The following SNX6 variants were observed in gnomAD, a reference collection of about 807,000 sequenced individuals.
The protein encoded by SNX6 is sorting nexin-6.
SNX6 carries 34 observed loss-of-function variants against 63.0 expected under a neutral mutation model. The ratio of observed to expected loss-of-function variants is 0.54; its 90% CI spans 0.41 to 0.72. The LOEUF is 0.72. Ranked by LOEUF, SNX6 falls within the 30% of genes least tolerant of loss-of-function variation. The pLI is 0.00. For missense variants in SNX6, 398 were observed against 471.4 expected (o/e 0.84, Z 1.44); for synonymous variants, 170 against 164.2 (o/e 1.04, Z -0.27).
chr14:34,602,510 G>C (rs1882855031), intron 6 of SNX6, among the ~76,000 whole-genome samples: 1 of 149,316 alleles, frequency 6.7e-6, no homozygotes, highest in African/African-American at 2.5e-5. Context: ...AGAATCACTT[G>C]AACTTGGGAG....
intron 2 of SNX6, among the ~76,000 whole-genome samples, chr14:34,626,461 T>C (rs1475212357): frequency 6.6e-6 from 1 of 150,466 alleles, no homozygotes; most frequent in Non-Finnish European, 1.5e-5. Context: ...TAGACCATCC[T>C]GGCTAACAAG....
rs922723739 is a variant in SNX6, at chr14:34,618,812, A to G, written c.55-9070T>C. 3.8e-4 allele frequency among the ~76,000 whole-genome samples: 58 copies of G among 152,086 alleles called. 2 individuals carry two copies. Among genetic ancestry groups the G allele is most frequent in the Non-Finnish European group, 7.3e-5 (5 of 68,034 alleles). Reference sequence around the variant, plus strand: ...AAGGCCTTTCCTAGCCACCCTATCTAAAAGTGCAGCTCAAACCATCCTCCC... The same window carrying G: ...AAGGCCTTTCCTAGCCACCCTATCTGAAAGTGCAGCTCAAACCATCCTCCC... On this transcript the variant is annotated intron_variant, in intron 2 of 13. Coordinates refer to ENST00000362031, the MANE Select transcript of SNX6 (RefSeq NM_152233.4).
chr14:34,622,447 G>C (rs1446781381), intron 2 of SNX6, among the ~76,000 whole-genome samples: 1 of 151,674 alleles, frequency 6.6e-6, no homozygotes. Flanking sequence ...GCTGGGCGTG[G>C]TGGCGGGCAC....
chr14:34,567,599 C>G (rs899579684), intron 13 of SNX6, 87 bp downstream of exon 13: 2 of 1,015,020 alleles, frequency 2.0e-6, no homozygotes, highest in African/African-American at 1.6e-5. Context: ...CCTATGAGAA[C>G]TGACATTAAA....
chr14:34,572,165 C>G (rs1022346160), intron 11 of SNX6, among the ~76,000 whole-genome samples: 1 of 152,106 alleles, frequency 6.6e-6, no homozygotes, highest in Non-Finnish European at 1.5e-5. Flanking sequence ...TCATTTTAGC[C>G]ATTCTAATTA....
chr14:34,619,581 AC>A (rs1883551112), intron 2 of SNX6, among the ~76,000 whole-genome samples: 1 of 152,118 alleles, frequency 6.6e-6, no homozygotes, highest in South Asian at 2.1e-4. Flanking sequence ...TTTAAAGTGA[AC>A]AAAAAGCCCT....
At chr14:34,599,468 G>C (rs1383169197) in intron 6 of SNX6, among the ~76,000 whole-genome samples, 1 of 152,046 alleles carries the variant, frequency 6.6e-6, no homozygotes, top group East Asian at 1.9e-4. Context: ...CTAGCTGGGC[G>C]TCGTGGCATC....
At position 34,567,837 on chromosome 14, in the gene SNX6, G is replaced by C. The variant is rs769378117; in HGVS notation, c.1081+17C>G. On this transcript the variant is annotated intron_variant, in intron 12 of 13. Transcript: ENST00000362031. ...TCATAAAGCATATCTTGTGATTAAA[G>C]GTTAACGTAACAGTACCTTGTTTTG... 1.4e-5 allele frequency: 22 copies of C among 1,613,608 alleles called. No individual in the cohort carries two copies. Among genetic ancestry groups the C allele is most frequent in the Non-Finnish European group, 1.9e-5 (22 of 1,179,786 alleles).
At chr14:34,583,864 T>TA (rs1259283715) in intron 9 of SNX6, among the ~76,000 whole-genome samples, 156 of 151,598 alleles carry the variant, frequency 1.0e-3, no homozygotes, top group African/African-American at 3.6e-3. Flanking sequence ...TTTTTTTTTT[T>TA]AAGACGGAGT....
At chr14:34,623,684 T>C (rs1028221591) in intron 2 of SNX6, among the ~76,000 whole-genome samples, 1 of 152,130 alleles carries the variant, frequency 6.6e-6, no homozygotes, top group African/African-American at 2.4e-5. Context: ...ACTGTTCTGA[T>C]ATAAAGATGA....
At chr14:34,605,198 G>T (rs1882968248) in intron 5 of SNX6, among the ~76,000 whole-genome samples, 2 of 151,538 alleles carry the variant, frequency 1.3e-5, no homozygotes, top group Non-Finnish European at 1.5e-5. Context: ...AGAGAACTAG[G>T]TTGGTAGTGA....
chr14:34,622,329 C>T (rs1473117437), intron 2 of SNX6, among the ~76,000 whole-genome samples: 3 of 150,346 alleles, frequency 2.0e-5, no homozygotes, highest in Non-Finnish European at 4.4e-5. Flanking sequence ...GCATGTAATC[C>T]CAGCACTTTG....
chr14:34,569,015 G>T (rs1002158735), intron 11 of SNX6: 1 of 1,461,946 alleles, frequency 6.8e-7, no homozygotes, highest in Non-Finnish European at 9.6e-7. Context: ...TTGGCCAGCA[G>T]CTTGACGGTG....
In SNX6 at chr14:34,597,651, A is replaced by G. The variant is rs773060715; in HGVS notation, c.517-6T>C. 19 of 1,502,550 alleles carry G rather than the reference A, an allele frequency of 1.3e-5. No individual in the cohort carries two copies. The highest frequency in any genetic ancestry group is 1.7e-5 in the Non-Finnish European group (19 of 1,102,616). The allele number at this position is 1,502,550 out of a possible 1,614,324, so 93.1% of individuals were successfully genotyped here. Reference sequence around the variant, plus strand: ...TTTTTTCCTCGCACACTCAACTGAAAGAAAGGTAATTTAACATTTTTAAGG... The same window carrying G: ...TTTTTTCCTCGCACACTCAACTGAAGGAAAGGTAATTTAACATTTTTAAGG... On this transcript the variant is annotated splice_region_variant and splice_polypyrimidine_tract_variant and intron_variant, in intron 6 of 13. Transcript: ENST00000362031.
At chr14:34,577,829 TAA>T (rs1323351594) in intron 10 of SNX6, among the ~76,000 whole-genome samples, 3 of 152,132 alleles carry the variant, frequency 2.0e-5, no homozygotes, top group East Asian at 3.9e-4. Flanking sequence ...ATTCTTATAC[TAA>T]AAAAAGAGAT....
rs572362340 is a variant in SNX6, at chr14:34,572,874, G to A, written c.921+2882C>T. On this transcript the variant is annotated intron_variant, in intron 11 of 13. Transcript: ENST00000362031. ...TTTTTGTATTTTTTTAGTAGAGACG[G>A]GGTTTCACTGTGTTAGCCAGGATGG... Among the ~76,000 whole-genome samples, 4 of 152,018 alleles carry A rather than the reference G, an allele frequency of 2.6e-5. No individual in the cohort carries two copies. In the South Asian group the frequency reaches 6.2e-4, roughly 24 times the overall value.
chr14:34,618,320 C>A (rs1233229193), intron 2 of SNX6, among the ~76,000 whole-genome samples: 5 of 152,032 alleles, frequency 3.3e-5, no homozygotes, highest in Admixed American at 1.3e-4. Context: ...ATTTACCACT[C>A]CTCTGGCTCA....
At position 34,563,164 on chromosome 14, in the gene SNX6, C is replaced by T. The variant is rs777869392; in HGVS notation, c.1179G>A (p.Gln393=). ...ACACTGCCAGGCAGTTCTGCAGCAA[C>T]TGTAGATTACCCTAAAAAAGGAAGA... The part of the protein sequence containing the change: ...LELKHAKGNL[Q]LLQNCLAVLN... Residue 393 remains glutamine (Q), a synonymous_variant, in exon 14 of 14, where the codon CAG becomes CAA. Coordinates refer to ENST00000362031, the MANE Select transcript of SNX6 (RefSeq NM_152233.4). 5.0e-6 allele frequency: 8 copies of T among 1,613,690 alleles called. 1 individual carries two copies. The South Asian group carries it at 8.8e-5, about 18-fold the overall frequency.
At chr14:34,588,865 T>C (rs772053268) in intron 8 of SNX6, among the ~76,000 whole-genome samples, 2 of 151,824 alleles carry the variant, frequency 1.3e-5, no homozygotes, top group Non-Finnish European at 2.9e-5. Context: ...AGGGCAGTGG[T>C]TCACACCTGT....
Sources: allele counts gnomAD v4.1 joint callset (sites outside exome capture counted in the v4.1 genomes callset), GRCh38; gene constraint gnomAD v4.1.1; transcripts MANE v1.5; gene names NCBI Gene and HGNC (gene_info 2026-07-23, HGNC 2026-07-21).